FSTL5: variants seen among roughly 807,000 people sequenced by gnomAD.
The protein encoded by FSTL5 is follistatin-related protein 5.
A neutral mutation model predicts 89.1 loss-of-function variants in FSTL5; 62 were observed. The ratio of observed to expected loss-of-function variants is 0.70; its 90% CI spans 0.57 to 0.86. The LOEUF is 0.86. Among genes scored for constraint, FSTL5 ranks in the 40% least tolerant of loss-of-function variants. The pLI, the probability that FSTL5 is intolerant of heterozygous loss-of-function variation, is 0.00. For synonymous variants in FSTL5, 383 were observed against 346.2 expected, an observed-to-expected ratio of 1.11 and a Z score of -1.18; for missense variants, 1,057 against 1,001.6, an observed-to-expected ratio of 1.06 and a Z score of -0.75.
intron 4 of FSTL5, among the ~76,000 whole-genome samples, chr4:161,834,417 C>T (rs936541843): frequency 6.6e-6 from 1 of 152,168 alleles, no homozygotes; most frequent in Non-Finnish European, 1.5e-5. Context: ...TCTCTCACCA[C>T]TCCTATTCAA....
chr4:161,415,896 T>C (rs920836580), intron 15 of FSTL5, among the ~76,000 whole-genome samples: 2 of 151,020 alleles, frequency 1.3e-5, no homozygotes, highest in Admixed American at 6.6e-5. Flanking sequence ...TTAATTTATG[T>C]CTACAACGGG....
At chr4:161,916,942 A>C (rs1733857822) in intron 4 of FSTL5, among the ~76,000 whole-genome samples, 1 of 152,072 alleles carries the variant, frequency 6.6e-6, no homozygotes, top group African/African-American at 2.4e-5. Flanking sequence ...AAATTATTTT[A>C]ATAAGTTTTT....
rs530332568 is a variant in FSTL5 at position 161,432,644 on chromosome 4, A to T, written c.1841+22360T>A. The stretch of plus-strand genomic sequence containing the variant: ...AATAGAAAAGATCAATGAAATGACA[A>T]TTTTTTTTGAAATATAAATAAAAGT... On this transcript the variant is annotated intron_variant, in intron 15 of 15. Coordinates refer to ENST00000306100, the MANE Select transcript of FSTL5 (RefSeq NM_020116.5). Among the ~76,000 whole-genome samples, 8 of 151,744 alleles carry T rather than the reference A, an allele frequency of 5.3e-5. No homozygotes were observed. The East Asian group carries it at 1.4e-3, about 26-fold the overall frequency.
chr4:162,112,526 A>G (rs958339922), intron 1 of FSTL5, among the ~76,000 whole-genome samples: 4 of 152,150 alleles, frequency 2.6e-5, no homozygotes, highest in African/African-American at 9.7e-5. Context: ...GGTGACAGGC[A>G]TGAGCCACTG....
At chr4:162,104,441 T>C (rs1198869693) in intron 2 of FSTL5, among the ~76,000 whole-genome samples, 1 of 152,184 alleles carries the variant, frequency 6.6e-6, no homozygotes, top group Non-Finnish European at 1.5e-5. Context: ...GCCACCATCT[T>C]GGGAGCTCTG....
intron 3 of FSTL5, among the ~76,000 whole-genome samples, chr4:162,004,076 T>A (rs1578938276): frequency 6.6e-6 from 1 of 152,212 alleles, no homozygotes; most frequent in Non-Finnish European, 1.5e-5. Flanking sequence ...CCTCTCCATA[T>A]TGTGTTCTTT....
chr4:161,937,503 A>G (rs1165269928), intron 3 of FSTL5, among the ~76,000 whole-genome samples: 1 of 152,178 alleles, frequency 6.6e-6, no homozygotes, highest in African/African-American at 2.4e-5. Context: ...TTGAAGACAA[A>G]AACAATTTGC....
At chr4:161,746,435 C>T (rs972468228) in intron 6 of FSTL5, among the ~76,000 whole-genome samples, 1 of 152,002 alleles carries the variant, frequency 6.6e-6, no homozygotes, top group Non-Finnish European at 1.5e-5. Context: ...TAGTAGTGCC[C>T]TGGTGAATGT....
chr4:162,160,516 A>G (rs1354601433), intron 1 of FSTL5, among the ~76,000 whole-genome samples: 4 of 151,826 alleles, frequency 2.6e-5, no homozygotes, highest in Non-Finnish European at 4.4e-5. Context: ...TTATTAGTTC[A>G]CAAGAGTCTT....
rs777240415 is a variant in FSTL5, at chr4:161,385,789, T to C, written c.2502A>G (p.Glu834=). The change falls in exon 16 of 16, where the codon GAA becomes GAG. Residue 834 remains glutamate, a synonymous_variant. Coordinates refer to ENST00000306100, the MANE Select transcript of FSTL5 (RefSeq NM_020116.5). ...RLNKLNCEIT[E]VEKGNTVIWV... is the part of the protein sequence containing the mutation. ...AAATGACTGTATTTCCTTTTTCAACTTCAGTGATCTCACAGTTTAATTTAT... is the reference window on the plus strand; with the variant it reads ...AAATGACTGTATTTCCTTTTTCAACCTCAGTGATCTCACAGTTTAATTTAT... 8 of 1,608,638 alleles carry C rather than the reference T, an allele frequency of 5.0e-6. No homozygotes were observed. The African/African-American group carries it at 1.1e-4, about 22-fold the overall frequency.
intron 4 of FSTL5, among the ~76,000 whole-genome samples, chr4:161,799,047 A>G (rs373482543): frequency 1.3e-5 from 2 of 151,844 alleles, no homozygotes; most frequent in Admixed American, 6.6e-5. Flanking sequence ...ATGATTGCTC[A>G]CAGTTACCGA....
At chr4:161,587,664 A>C (rs1578947772) in intron 7 of FSTL5, 89 bp from the exon 8 acceptor site, 3 of 857,294 alleles carry the variant, frequency 3.5e-6, no homozygotes, top group East Asian at 5.3e-5. Context: ...GGTACAAAAC[A>C]AATAGACTCA....
chr4:161,884,413 G>A (rs1732735620), intron 4 of FSTL5, among the ~76,000 whole-genome samples: 1 of 152,102 alleles, frequency 6.6e-6, no homozygotes, highest in African/African-American at 2.4e-5. Flanking sequence ...TATGACAACA[G>A]AATACTGCAA....
At chr4:161,636,415 G>A (rs992224771) in intron 7 of FSTL5, among the ~76,000 whole-genome samples, 35 of 147,978 alleles carry the variant, frequency 2.4e-4, no homozygotes, top group Middle Eastern at 3.7e-3. Context: ...AATCATGTAA[G>A]AAGATTTTGA....
chr4:161,673,746 T>G (rs1457977493), intron 6 of FSTL5, among the ~76,000 whole-genome samples: 1 of 151,998 alleles, frequency 6.6e-6, no homozygotes, highest in Non-Finnish European at 1.5e-5. Context: ...ACATAATTTA[T>G]TTTACCAGAC....
chr4:161,798,486 A>T (rs547151432), intron 4 of FSTL5, among the ~76,000 whole-genome samples: 52 of 145,208 alleles, frequency 3.6e-4, no homozygotes, highest in African/African-American at 1.1e-3. Flanking sequence ...TTTTTTTTTT[A>T]AAGTATTTAG....
chr4:161,768,199 C>A (rs1741085515), intron 5 of FSTL5, among the ~76,000 whole-genome samples: 1 of 152,082 alleles, frequency 6.6e-6, no homozygotes, highest in Non-Finnish European at 1.5e-5. Flanking sequence ...GCCTCTAGAA[C>A]TTCAAATATC....
At chr4:161,833,680 T>C (rs2126864135) in intron 4 of FSTL5, among the ~76,000 whole-genome samples, 1 of 152,158 alleles carries the variant, frequency 6.6e-6, no homozygotes, top group Non-Finnish European at 1.5e-5. Context: ...TAAAGTCTGT[T>C]TTATCAGAGA....
intron 6 of FSTL5, among the ~76,000 whole-genome samples, chr4:161,757,325 T>C (rs1740607128): frequency 6.6e-6 from 1 of 152,062 alleles, no homozygotes; most frequent in Admixed American, 6.6e-5. Context: ...AACACCTATT[T>C]CCTTCTATCT....
Sources: gnomAD v4.1 joint callset for allele counts (sites outside exome capture counted in the v4.1 genomes callset) on GRCh38, gnomAD v4.1.1 for gene constraint, MANE v1.5 for transcripts, NCBI Gene and HGNC (gene_info 2026-07-23, HGNC 2026-07-21) for gene names.